CTIF: variants seen among roughly 807,000 people sequenced by gnomAD.
CTIF encodes the protein cap binding complex dependent translation initiation factor.
CTIF carries 21 observed loss-of-function variants against 66.0 expected under a neutral mutation model. The ratio of observed to expected loss-of-function variants is 0.32; its 90% CI spans 0.23 to 0.46. The LOEUF is 0.46. Among genes scored for constraint, CTIF ranks in the 20% least tolerant of loss-of-function variants. The pLI is 1.00. For missense variants in CTIF, 739 were observed against 812.7 expected (o/e 0.91, Z 1.10); for synonymous variants, 345 against 326.4 (o/e 1.06, Z -0.62).
intron 9 of CTIF, among the ~76,000 whole-genome samples, chr18:48,780,619 C>T (rs1233507775): frequency 6.6e-6 from 1 of 152,152 alleles, no homozygotes; most frequent in East Asian, 1.9e-4. Flanking sequence ...GGGTTCTCTG[C>T]CTGATAAAGG....
chr18:48,733,530 G>A (rs1400314076), intron 7 of CTIF, among the ~76,000 whole-genome samples: 3 of 152,220 alleles, frequency 2.0e-5, no homozygotes, highest in Non-Finnish European at 4.4e-5. Flanking sequence ...TGTGGCTGGG[G>A]AGGAGTTACA....
At chr18:48,827,921 T>C (rs2068616047) in intron 10 of CTIF, among the ~76,000 whole-genome samples, 1 of 151,664 alleles carries the variant, frequency 6.6e-6, no homozygotes, top group Admixed American at 6.6e-5. Flanking sequence ...CATACACACA[T>C]AAACACACGG....
intron 6 of CTIF, among the ~76,000 whole-genome samples, chr18:48,683,439 C>T (rs1293312161): frequency 6.6e-6 from 1 of 150,606 alleles, no homozygotes; most frequent in Admixed American, 6.6e-5. Flanking sequence ...GCCATCATTT[C>T]CTGCCCCCGA....
intron 9 of CTIF, among the ~76,000 whole-genome samples, chr18:48,769,734 CTTG>C (rs761349263): frequency 5.8e-4 from 88 of 152,366 alleles, no homozygotes; most frequent in Middle Eastern, 3.4e-3. Flanking sequence ...CGTTGCCAAT[CTTG>C]TTGTCTGCAC....
chr18:48,715,788 T>C (rs914225457), intron 7 of CTIF, among the ~76,000 whole-genome samples: 3 of 152,236 alleles, frequency 2.0e-5, no homozygotes, highest in Non-Finnish European at 4.4e-5. Context: ...TTGGTGTTGA[T>C]ACTGGTAGAA....
intron 5 of CTIF, among the ~76,000 whole-genome samples, chr18:48,669,909 G>A (rs2091501550): frequency 1.4e-5 from 2 of 143,088 alleles, no homozygotes; most frequent in African/African-American, 2.6e-5. Flanking sequence ...AAGCATCTAA[G>A]CACTCCAGAT....
At chr18:48,846,282 TCCA>T (rs1327314085) in intron 10 of CTIF, among the ~76,000 whole-genome samples, 4 of 152,266 alleles carry the variant, frequency 2.6e-5, no homozygotes, top group African/African-American at 9.6e-5. Context: ...CCTGGAGTTC[TCCA>T]CCACCGCTAT....
rs192687646 is a variant in CTIF at position 48,621,155 on chromosome 18, T to C, written c.180+1410T>C. On this transcript the variant is annotated intron_variant, in intron 2 of 11. Transcript: ENST00000256413. Reference sequence around the variant, plus strand: ...ATTGAGCAAAAAAGCCCTGCCCTCATGGACTGTGTATTCTACTCGTGGATG... The same window carrying C: ...ATTGAGCAAAAAAGCCCTGCCCTCACGGACTGTGTATTCTACTCGTGGATG... Among the ~76,000 whole-genome samples, 18 of 152,274 alleles carry C rather than the reference T, an allele frequency of 1.2e-4. No individual in the cohort carries two copies. In the East Asian group the frequency reaches 3.5e-3, roughly 29 times the overall value.
At chr18:48,838,812 C>T (rs1264562443) in intron 10 of CTIF, among the ~76,000 whole-genome samples, 1 of 152,208 alleles carries the variant, frequency 6.6e-6, no homozygotes, top group African/African-American at 2.4e-5. Context: ...GCCCTGAAGC[C>T]TGTGTTGGTC....
chr18:48,643,965 T>A (rs1281061013), intron 3 of CTIF, among the ~76,000 whole-genome samples: 1 of 152,168 alleles, frequency 6.6e-6, no homozygotes, highest in South Asian at 2.1e-4. Context: ...TCAGAAGGCA[T>A]CTCAGCATAT....
At position 48,613,512 on chromosome 18, in the gene CTIF, G is replaced by A. The variant is rs536672528; in HGVS notation, c.-28-6026G>A. On this transcript the variant is annotated intron_variant, in intron 1 of 11. Coordinates refer to ENST00000256413, the MANE Select transcript of CTIF (RefSeq NM_014772.3). ...TTTGCGTCTAGGGTGGGGAGGGGAC[G>A]CTAGTGTGGAGAGAGGCACCTTTTT... Among the ~76,000 whole-genome samples, 537 of 152,258 alleles carry A rather than the reference G, an allele frequency of 3.5e-3. 1 individual carries two copies. Among genetic ancestry groups the A allele is most frequent in the African/African-American group, 0.011 (463 of 41,542 alleles).
chr18:48,641,116 T>A (rs1368257860), intron 3 of CTIF, among the ~76,000 whole-genome samples: 3 of 152,200 alleles, frequency 2.0e-5, no homozygotes, highest in Non-Finnish European at 4.4e-5. Context: ...CAGCTTTTTA[T>A]TGTAATGGGG....
At chr18:48,780,568 C>T (rs62103268) in intron 9 of CTIF, among the ~76,000 whole-genome samples, 18,380 of 152,196 alleles carry the variant, frequency 0.12, 1,179 homozygotes, top group Non-Finnish European at 0.14. Flanking sequence ...TCGGTTCATG[C>T]GTGTCCCTCC....
chr18:48,616,226 C>A (rs1204635622), intron 1 of CTIF, among the ~76,000 whole-genome samples: 1 of 152,222 alleles, frequency 6.6e-6, no homozygotes, highest in Non-Finnish European at 1.5e-5. Context: ...GAATAATGGG[C>A]GTGGCCTTGT....
intron 6 of CTIF, among the ~76,000 whole-genome samples, chr18:48,709,163 A>G (rs951946118): frequency 2.2e-4 from 34 of 152,252 alleles, no homozygotes; most frequent in African/African-American, 8.2e-4. Context: ...AGGTTAGGTC[A>G]TCTGCTCAAA....
At chr18:48,582,739 G>A (rs972814809) in intron 1 of CTIF, among the ~76,000 whole-genome samples, 1 of 152,100 alleles carries the variant, frequency 6.6e-6, no homozygotes. Context: ...GCTAATAAAC[G>A]TTTTATTACC....
At chr18:48,639,601 T>C (rs1320200848) in intron 3 of CTIF, among the ~76,000 whole-genome samples, 1 of 152,196 alleles carries the variant, frequency 6.6e-6, no homozygotes, top group East Asian at 1.9e-4. Flanking sequence ...GGCAGCACCT[T>C]GGTTCAGTGA....
intron 10 of CTIF, among the ~76,000 whole-genome samples, chr18:48,825,816 A>G (rs970782810): frequency 6.6e-6 from 1 of 152,232 alleles, no homozygotes; most frequent in Non-Finnish European, 1.5e-5. Flanking sequence ...AGCTTTTACT[A>G]CATTACAAAC....
At chr18:48,544,833 C>T (rs2088707547) in intron 1 of CTIF, among the ~76,000 whole-genome samples, 1 of 152,236 alleles carries the variant, frequency 6.6e-6, no homozygotes, top group African/African-American at 2.4e-5. Context: ...CTATGCCTGT[C>T]TTTGTGCTAG....
Sources: gnomAD v4.1 joint callset for allele counts (sites outside exome capture counted in the v4.1 genomes callset) on GRCh38, gnomAD v4.1.1 for gene constraint, MANE v1.5 for transcripts, NCBI Gene and HGNC (gene_info 2026-07-23, HGNC 2026-07-21) for gene names.